BCL7B: variants seen among roughly 807,000 people sequenced by gnomAD.
BCL7B encodes the protein B-cell CLL/lymphoma 7 protein family member B.
In BCL7B, 11 loss-of-function variants were observed where a neutral mutation model predicts 26.5. That is an observed-to-expected ratio of 0.42 (90% CI 0.26 to 0.69). BCL7B has a LOEUF of 0.69. Among genes scored for constraint, BCL7B ranks in the 30% least tolerant of loss-of-function variants. BCL7B has a pLI of 0.28. For synonymous variants in BCL7B, 111 were observed against 107.9 expected (o/e 1.03, Z -0.18); for missense variants, 215 against 264.4 (o/e 0.81, Z 1.30).
At chr7:73,547,392 A>G (rs1791995263) in intron 2 of BCL7B, among the ~76,000 whole-genome samples, 1 of 152,176 alleles carries the variant, frequency 6.6e-6, no homozygotes, top group Non-Finnish European at 1.5e-5. Context: ...GAGCTCAGGA[A>G]TTTGAGGCTA....
chr7:73,555,384 A>G (rs1406342879), intron 1 of BCL7B, among the ~76,000 whole-genome samples: 1 of 130,958 alleles, frequency 7.6e-6, no homozygotes, highest in Non-Finnish European at 1.6e-5. Flanking sequence ...CGTGGGTGAC[A>G]GAGCAAGACT....
Position 73,555,368 on chromosome 7 carries a change from C to T in BCL7B, c.92+2119G>A, listed in dbSNP as rs529514961. Reference sequence around the variant, plus strand: ...CGTGAGCCAAGATCGCACCATTGCACTCCAACGTGGGTGACAGAGCAAGAC... The same window carrying T: ...CGTGAGCCAAGATCGCACCATTGCATTCCAACGTGGGTGACAGAGCAAGAC... On this transcript the variant is annotated intron_variant, in intron 1 of 5. Transcript: ENST00000223368. Among the ~76,000 whole-genome samples, 8 of 144,086 alleles carry T rather than the reference C, an allele frequency of 5.6e-5. No homozygotes were observed. In the South Asian group the frequency reaches 1.5e-3, roughly 27 times the overall value. The allele number at this position is 144,086 out of a possible 152,430, so 94.5% of individuals were successfully genotyped here. A position where few individuals can be genotyped will look rare whatever the true frequency, so the allele number is the denominator to read the frequency against.
At chr7:73,549,015 T>C (rs1166471683) in intron 2 of BCL7B, among the ~76,000 whole-genome samples, 8 of 152,158 alleles carry the variant, frequency 5.3e-5, no homozygotes, top group Admixed American at 1.3e-4. Flanking sequence ...CAACTACCAT[T>C]TCAGCAAATA....
chr7:73,542,720 G>C (rs1368602703), intron 3 of BCL7B: 1 of 228,736 alleles, frequency 4.4e-6, no homozygotes, highest in Admixed American at 4.7e-5. Flanking sequence ...TTAGGAGGCA[G>C]AACATGTCCT....
chr7:73,549,348 C>T (rs1157523136), intron 2 of BCL7B, among the ~76,000 whole-genome samples: 2 of 152,174 alleles, frequency 1.3e-5, no homozygotes, highest in African/African-American at 4.8e-5. Context: ...ACAAGACACA[C>T]GAAAATAGAT....
intron 2 of BCL7B, among the ~76,000 whole-genome samples, chr7:73,549,105 A>G (rs1554583800): frequency 6.6e-6 from 1 of 152,220 alleles, no homozygotes; most frequent in East Asian, 1.9e-4. Context: ...TATCCTAGGA[A>G]AACTCATGTA....
chr7:73,557,515 T>C lies in BCL7B; in HGVS notation c.64A>G (p.Met22Val). The C allele has an allele frequency of 6.9e-7, 1 of 1,452,280 alleles. No individual in the cohort carries two copies. Among genetic ancestry groups the C allele is most frequent in the South Asian group, 1.4e-5 (1 of 72,202 alleles). The allele number at this position is 1,452,280 out of a possible 1,614,324, so 90.0% of individuals were successfully genotyped here. A position where few individuals can be genotyped will look rare whatever the true frequency, so the allele number is the denominator to read the frequency against. ...SRAKDDIKKVMAAIEKVRKWE... is the reference protein window; with the variant it reads ...SRAKDDIKKVVAAIEKVRKWE... ...TTCCGCACTTTCTCGATGGCCGCCA[T>C]CACCTTCTTGATGTCGTCCTTGGCC... Residue 22 changes from methionine (M) to valine (V), a missense_variant, in exon 1 of 6, where the codon ATG becomes GTG. By Grantham distance (21) the Met-to-Val change is conservative. Coordinates refer to ENST00000223368, the MANE Select transcript of BCL7B (RefSeq NM_001707.4).
chr7:73,539,634 A>C (rs1267529298), intron 4 of BCL7B: 15 of 446,356 alleles, frequency 3.4e-5, no homozygotes, highest in Non-Finnish European at 5.6e-5. Context: ...AGGATTTTTG[A>C]GAGAATTATA....
intron 1 of BCL7B, among the ~76,000 whole-genome samples, chr7:73,554,252 C>A (rs139400242): frequency 1.3e-5 from 2 of 151,716 alleles, no homozygotes; most frequent in African/African-American, 2.4e-5. Flanking sequence ...TGTGAGCCAC[C>A]GTGCCCAGCC....
chr7:73,557,348 G>T (rs1460753106), intron 1 of BCL7B, 139 bp downstream of exon 1: 3 of 1,179,414 alleles, frequency 2.5e-6, no homozygotes, highest in Admixed American at 4.6e-5. Flanking sequence ...GCCGACGCCA[G>T]CGGCGCCCTC....
rs538272690 is a variant in BCL7B at position 73,550,496 on chromosome 7, AATTGCACC to A, written c.168+1663_168+1670del. 5.9e-3 allele frequency among the ~76,000 whole-genome samples: 898 copies of A among 152,040 alleles called. 7 individuals carry two copies. Among genetic ancestry groups the A allele is most frequent in the African/African-American group, 0.019 (798 of 41,498 alleles). On this transcript the variant is annotated intron_variant, in intron 2 of 5. Coordinates refer to ENST00000223368, the MANE Select transcript of BCL7B (RefSeq NM_001707.4). ...GGAGGCAGAGGTTGTAGTGAGCTGAAATTGCACCATTGCACTCCAGCCTGGCGACAGAG... is the reference window on the plus strand; with the variant it reads ...GGAGGCAGAGGTTGTAGTGAGCTGAAATTGCACTCCAGCCTGGCGACAGAG...
chr7:73,541,186 AAG>A (rs1214271566), intron 3 of BCL7B, among the ~76,000 whole-genome samples: 3 of 152,012 alleles, frequency 2.0e-5, no homozygotes, highest in Non-Finnish European at 4.4e-5. Context: ...GAAAAAAAGT[AAG>A]AGTCACCAAT....
At position 73,557,624 on chromosome 7, in the gene BCL7B, C is replaced by G; in HGVS notation, c.-46G>C. 4 of 1,124,324 alleles carry G rather than the reference C, an allele frequency of 3.6e-6. No homozygotes were observed. Among genetic ancestry groups the G allele is most frequent in the Non-Finnish European group, 3.3e-6 (3 of 900,860 alleles). The allele number at this position is 1,124,324 out of a possible 1,614,324, so 69.6% of individuals were successfully genotyped here. ...GGGCCGGGGCACTGCTCCCAAGACA[C>G]CGGGGATCGCGCGCCTCACGCGCCG... On this transcript the variant is annotated 5_prime_UTR_variant, in exon 1 of 6. Coordinates refer to ENST00000223368, the MANE Select transcript of BCL7B (RefSeq NM_001707.4).
At chr7:73,556,016 C>T (rs1346598628) in intron 1 of BCL7B, among the ~76,000 whole-genome samples, 1 of 151,994 alleles carries the variant, frequency 6.6e-6, no homozygotes, top group African/African-American at 2.4e-5. Flanking sequence ...TTCCAGGTGA[C>T]AGGGGATGGC....
intron 2 of BCL7B, among the ~76,000 whole-genome samples, chr7:73,545,692 G>T (rs1364243421): frequency 1.3e-5 from 2 of 152,158 alleles, no homozygotes; most frequent in Non-Finnish European, 2.9e-5. Flanking sequence ...TGGCATCCTA[G>T]AACTTCTTGG....
chr7:73,550,042 C>T (rs1792098994), intron 2 of BCL7B, among the ~76,000 whole-genome samples: 1 of 152,086 alleles, frequency 6.6e-6, no homozygotes, highest in African/African-American at 2.4e-5. Flanking sequence ...TTTATTCATA[C>T]ACTGTACATT....
At chr7:73,539,505 A>T (rs1279618076) in intron 4 of BCL7B, among the ~76,000 whole-genome samples, 1 of 141,140 alleles carries the variant, frequency 7.1e-6, no homozygotes, top group African/African-American at 2.7e-5. Context: ...GCTCACCTCG[A>T]CCTCCCAAAG....
At chr7:73,554,796 C>CAA (rs550024405) in intron 1 of BCL7B, among the ~76,000 whole-genome samples, 44 of 60,756 alleles carry the variant, frequency 7.2e-4, no homozygotes, top group East Asian at 1.2e-3. Flanking sequence ...GACTGGGTCT[C>CAA]AAAAAAAAAA....
At chr7:73,539,757 G>C in intron 4 of BCL7B, 125 bp downstream of exon 4, 2 of 1,131,196 alleles carry the variant, frequency 1.8e-6, no homozygotes, top group South Asian at 1.6e-5. Context: ...AAGCTATCGA[G>C]AAAGGGCTTG....
Sources: gnomAD v4.1 joint callset for allele counts (sites outside exome capture counted in the v4.1 genomes callset) on GRCh38, gnomAD v4.1.1 for gene constraint, MANE v1.5 for transcripts, NCBI Gene and HGNC (gene_info 2026-07-23, HGNC 2026-07-21) for gene names.